The following ARHGAP36 variants were observed in gnomAD, a reference collection of about 807,000 sequenced individuals.
ARHGAP36 encodes the protein rho GTPase-activating protein 36.
Under a neutral mutation model 32.9 loss-of-function variants are expected in ARHGAP36, and 7 were observed. The observed-to-expected ratio is 0.21, with a 90% CI of 0.12 to 0.40. The LOEUF (loss-of-function observed/expected upper bound fraction) is 0.40, where lower values mean the gene tolerates loss of function less well. Among genes scored for constraint, ARHGAP36 ranks in the 10% least tolerant of loss-of-function variants. The pLI is 1.00. For synonymous variants in ARHGAP36, 165 were observed against 168.3 expected (o/e 0.98, Z 0.15); for missense variants, 383 against 442.2 (o/e 0.87, Z 1.20).
rs759404711 is a variant in ARHGAP36 at position 131,069,642 on chromosome X, G to C, written c.-143+11198G>C. 3.6e-5 allele frequency among the ~76,000 whole-genome samples: 4 copies of C among 111,558 alleles called. No homozygotes were observed. In the Admixed American group the frequency reaches 3.8e-4, roughly 11 times the overall value. On this transcript the variant is annotated intron_variant, in intron 1 of 11. Transcript: ENST00000276211. ...AAGCCAGGCCAGAAACACAGAGGAC[G>C]GGCAGGAGTTCAGTTAACTTGCAAT...
chrX:131,088,142 C>T (rs2079845473), intron 11 of ARHGAP36, among the ~76,000 whole-genome samples: 1 of 112,608 alleles, frequency 8.9e-6, no homozygotes, highest in African/African-American at 3.2e-5. Flanking sequence ...TACCACTCTC[C>T]TTAAAAACAA....
chrX:131,066,436 C>A (rs185151681), intron 1 of ARHGAP36, among the ~76,000 whole-genome samples: 148 of 111,797 alleles, frequency 1.3e-3, no homozygotes, highest in Admixed American at 1.5e-3. Context: ...CACCAGCCTA[C>A]GGAGAGCTCC....
At chrX:131,072,434 A>G (rs2079738172) in intron 1 of ARHGAP36, among the ~76,000 whole-genome samples, 1 of 112,361 alleles carries the variant, frequency 8.9e-6, no homozygotes, top group Admixed American at 9.4e-5. Context: ...CAAAGGGCCA[A>G]CAAAGAATGT....
rs757886614 is a variant in ARHGAP36 at position 131,089,050 on chromosome X, CT to C, written c.*266del. ...GCTACCTTGCCTTTCTCTTTTACCC[CT>C]GATCTTGGCTTTCTCTCTCTCTCTG... is the stretch of plus-strand genomic sequence containing the variant. On this transcript the variant is annotated 3_prime_UTR_variant, in exon 12 of 12. Transcript: ENST00000276211. 2.4e-5 allele frequency: 7 copies of C among 288,287 alleles called. No homozygotes were observed. The South Asian group carries it at 7.6e-4, about 32-fold the overall frequency. 23.8% of individuals were successfully genotyped at this position (288,287 alleles called of 1,213,427 possible).
At chrX:131,068,586 C>T (rs1463367100) in intron 1 of ARHGAP36, among the ~76,000 whole-genome samples, 2 of 108,867 alleles carry the variant, frequency 1.8e-5, no homozygotes, top group African/African-American at 6.7e-5. Flanking sequence ...CCAGTACCCT[C>T]CCCCTGGCCC....
chrX:131,058,753 G>C lies in ARHGAP36; in HGVS notation c.-143+309G>C, dbSNP rs1012681667. On this transcript the variant is annotated intron_variant, in intron 1 of 11. Coordinates refer to ENST00000276211, the MANE Select transcript of ARHGAP36 (RefSeq NM_144967.4). Reference sequence around the variant, plus strand: ...GCCTTGGGGCCAGACGCGCAGGAGCGGCGTCCCGCAACTCAAGGACCCTCA... The same window carrying C: ...GCCTTGGGGCCAGACGCGCAGGAGCCGCGTCCCGCAACTCAAGGACCCTCA... 3.5e-5 allele frequency among the ~76,000 whole-genome samples: 4 copies of C among 113,179 alleles called. No homozygotes were observed. The Admixed American group carries it at 3.7e-4, about 10-fold the overall frequency.
intron 1 of ARHGAP36, among the ~76,000 whole-genome samples, chrX:131,073,263 T>C (rs986005806): frequency 8.9e-6 from 1 of 112,919 alleles, no homozygotes; most frequent in Non-Finnish European, 1.9e-5. Context: ...TTTGTTTAAC[T>C]TTACAGGTTC....
intron 7 of ARHGAP36, 82 bp from the exon 8 acceptor site, chrX:131,085,506 T>G: frequency 1.8e-6 from 2 of 1,094,510 alleles, no homozygotes; most frequent in Non-Finnish European, 2.4e-6. Context: ...CCAGCAAGTT[T>G]CAAGCAGAAT....
intron 1 of ARHGAP36, among the ~76,000 whole-genome samples, chrX:131,064,741 C>T (rs1264529504): frequency 3.6e-5 from 4 of 110,837 alleles, no homozygotes; most frequent in African/African-American, 1.3e-4. Flanking sequence ...CTTTCTCTGC[C>T]CTCCCCACAT....
chrX:131,083,286 T>C, intron 3 of ARHGAP36, 56 bp downstream of exon 3: 1 of 1,117,800 alleles, frequency 8.9e-7, no homozygotes, highest in Non-Finnish European at 1.2e-6. Flanking sequence ...ACCCCCTGTG[T>C]AGTGTGGCCC....
At chrX:131,078,692 T>C in intron 1 of ARHGAP36, 6 of 777,140 alleles carry the variant, frequency 7.7e-6, no homozygotes, top group South Asian at 4.5e-5. Flanking sequence ...TCTGGGGACA[T>C]TGGTCTTCCT....
intron 1 of ARHGAP36, among the ~76,000 whole-genome samples, chrX:131,075,523 C>A: frequency 1.9e-5 from 2 of 107,963 alleles, no homozygotes; most frequent in Middle Eastern, 9.3e-3. Context: ...TCATAATAGT[C>A]TTTTTTTTCC....
intron 1 of ARHGAP36, among the ~76,000 whole-genome samples, chrX:131,079,695 A>G (rs1408150508): frequency 1.8e-5 from 2 of 109,328 alleles, no homozygotes; most frequent in Non-Finnish European, 3.8e-5. Flanking sequence ...CAAATCATAT[A>G]TAGAATGTTA....
At chrX:131,079,265 AAT>A (rs1311934169) in intron 1 of ARHGAP36, among the ~76,000 whole-genome samples, 1 of 111,992 alleles carries the variant, frequency 8.9e-6, no homozygotes, top group African/African-American at 3.2e-5. Context: ...ACTGTGGTTA[AAT>A]GCATGTGCCT....
intron 3 of ARHGAP36, 60 bp from the exon 4 acceptor site, chrX:131,083,674 T>G: frequency 8.9e-7 from 1 of 1,123,317 alleles, no homozygotes; most frequent in Non-Finnish European, 1.2e-6. Flanking sequence ...CCCTGCTTCC[T>G]CCTGATTTAA....
chrX:131,081,588 A>ACCC lies in ARHGAP36; in HGVS notation c.-75_-73dup. ...GCCTCCCAGTTTTCCCTCCCCCTCT[A>ACCC]CCCCCACCCCCATAGTTCTCTCCAC... is the stretch of plus-strand genomic sequence containing the variant. On this transcript the variant is annotated 5_prime_UTR_variant, in exon 2 of 12. Transcript: ENST00000276211. 1 of 538,551 alleles carries ACCC rather than the reference A, an allele frequency of 1.9e-6. No individual in the cohort carries two copies. The highest frequency in any genetic ancestry group is 8.4e-5 in the East Asian group (1 of 11,892). The allele number at this position is 538,551 out of a possible 1,213,427, so 44.4% of individuals were successfully genotyped here.
rs764736831 is a variant in ARHGAP36 at position 131,086,086 on chromosome X, C to T, written c.1278C>T (p.Phe426=). 12 of 1,208,611 alleles carry T rather than the reference C, an allele frequency of 9.9e-6. No homozygotes were observed. ...TGATTGATAACTGGGATGTCCTCTT[C>T]CAGGTAGGTGCAAGTTTTGGATGCA... ...RAMIDNWDVL[F]QVPPHIQRQV... The change falls in exon 9 of 12, where the codon TTC becomes TTT. Residue 426 remains phenylalanine, a synonymous_variant. Coordinates refer to ENST00000276211, the MANE Select transcript of ARHGAP36 (RefSeq NM_144967.4).
chrX:131,085,943 T>A lies in ARHGAP36; in HGVS notation c.1135T>A (p.Leu379Met). The A allele has an allele frequency of 8.3e-7, 1 of 1,211,769 alleles. No individual in the cohort carries two copies. Among genetic ancestry groups the A allele is most frequent in the Non-Finnish European group, 1.1e-6 (1 of 895,513 alleles). Residue 379 changes from leucine (L) to methionine (M), a missense_variant, in exon 9 of 12, where the codon TTG becomes ATG. By Grantham distance (15) the Leu-to-Met change is conservative. This residue lies in a region of ARHGAP36 where 227 missense variants were observed against 311.3 expected (regional missense o/e 0.73). Coordinates refer to ENST00000276211, the MANE Select transcript of ARHGAP36 (RefSeq NM_144967.4). ...VPGNRMTSTNLALVFGSALLK... is the reference protein window; with the variant it reads ...VPGNRMTSTNMALVFGSALLK... Reference sequence around the variant, plus strand: ...AGGCAACCGTATGACTTCCACTAACTTGGCCTTGGTGTTTGGATCTGCTCT... The same window carrying A: ...AGGCAACCGTATGACTTCCACTAACATGGCCTTGGTGTTTGGATCTGCTCT...
chrX:131,069,698 A>G (rs951856087), intron 1 of ARHGAP36, among the ~76,000 whole-genome samples: 1 of 111,523 alleles, frequency 9.0e-6, no homozygotes, highest in Admixed American at 9.5e-5. Context: ...GCCTGCACCA[A>G]TGATTTGGTG....
Sources: allele counts gnomAD v4.1 joint callset (sites outside exome capture counted in the v4.1 genomes callset), GRCh38; gene constraint gnomAD v4.1.1; regional missense constraint gnomAD v4.1.1; transcripts MANE v1.5; gene names NCBI Gene and HGNC (gene_info 2026-07-23, HGNC 2026-07-21).